EXOC4: variants seen among roughly 807,000 people sequenced by gnomAD.
EXOC4 encodes SEC8-like 1.
Under a neutral mutation model 107.2 loss-of-function variants are expected in EXOC4, and 71 were observed. The observed-to-expected ratio is 0.66, with a 90% CI of 0.55 to 0.81. The LOEUF (loss-of-function observed/expected upper bound fraction) is 0.81. Among genes scored for constraint, EXOC4 ranks in the 30% least tolerant of loss-of-function variants. The pLI is 0.00. For synonymous variants in EXOC4, 456 were observed against 441.2 expected (o/e 1.03, Z -0.42); for missense variants, 1,108 against 1,189.6 (o/e 0.93, Z 1.01).
chr7:133,742,717 C>T lies in EXOC4; in HGVS notation c.1515-74608C>T, dbSNP rs550578782. On this transcript the variant is annotated intron_variant, in intron 10 of 17. Transcript: ENST00000253861. ...ATTGCTTAGTTTTTGGTTTGTTTTT[C>T]CCCCCAAGTTGAGACTTTGAATACA... Among the ~76,000 whole-genome samples, 38 of 152,158 alleles carry T rather than the reference C, an allele frequency of 2.5e-4. No homozygotes were observed. In the South Asian group the frequency reaches 7.7e-3, roughly 31 times the overall value.
At chr7:133,943,915 A>G (rs28566817) in intron 14 of EXOC4, among the ~76,000 whole-genome samples, 47,276 of 151,972 alleles carry the variant, frequency 0.31, 7,813 homozygotes, top group Non-Finnish European at 0.36. Flanking sequence ...CTGCAATTTT[A>G]TAACACACCC....
downstream of EXOC4, among the ~76,000 whole-genome samples, chr7:134,067,653 A>ACG (rs1796206017): frequency 1.0e-4 from 2 of 19,376 alleles, no homozygotes; most frequent in Non-Finnish European, 1.7e-4. Context: ...ACACACACAC[A>ACG]CACACACACA....
intron 13 of EXOC4, among the ~76,000 whole-genome samples, chr7:133,934,066 A>G (rs188784350): frequency 6.6e-6 from 1 of 152,340 alleles, no homozygotes; most frequent in East Asian, 1.9e-4. Flanking sequence ...ACTGCATATC[A>G]TAATGAAAAA....
intron 10 of EXOC4, among the ~76,000 whole-genome samples, chr7:133,727,136 G>A (rs1443674961): frequency 6.6e-6 from 1 of 152,048 alleles, no homozygotes; most frequent in East Asian, 1.9e-4. Flanking sequence ...ATCTGTTTTT[G>A]TTATTGATCT....
chr7:133,805,595 C>T (rs1385036244), intron 10 of EXOC4, among the ~76,000 whole-genome samples: 2 of 152,086 alleles, frequency 1.3e-5, no homozygotes, highest in Non-Finnish European at 2.9e-5. Flanking sequence ...GGGCATTCAC[C>T]ATACACGTAA....
At chr7:133,335,611 AT>A (rs1412335600) in intron 5 of EXOC4, among the ~76,000 whole-genome samples, 1 of 152,166 alleles carries the variant, frequency 6.6e-6, no homozygotes, top group African/African-American at 2.4e-5. Context: ...GTCAATGGAC[AT>A]TTGGCTATTG....
intron 10 of EXOC4, among the ~76,000 whole-genome samples, chr7:133,695,307 TC>T (rs1794510231): frequency 6.6e-6 from 1 of 152,214 alleles, no homozygotes; most frequent in African/African-American, 2.4e-5. Flanking sequence ...AGCTTCCCAT[TC>T]TTTTTAATGG....
chr7:133,782,895 A>G (rs1371273143), intron 10 of EXOC4, among the ~76,000 whole-genome samples: 2 of 152,160 alleles, frequency 1.3e-5, no homozygotes, highest in African/African-American at 4.8e-5. Flanking sequence ...TGGATTCTGT[A>G]TGGTCACTCG....
At chr7:133,260,164 C>A (rs567629353) in intron 1 of EXOC4, among the ~76,000 whole-genome samples, 5 of 152,110 alleles carry the variant, frequency 3.3e-5, no homozygotes, top group South Asian at 2.1e-4. Flanking sequence ...GGGTTTATTT[C>A]TTGACTTTCT....
At chr7:133,748,732 G>A (rs140368618) in intron 10 of EXOC4, among the ~76,000 whole-genome samples, 142 of 152,260 alleles carry the variant, frequency 9.3e-4, no homozygotes, top group Admixed American at 1.3e-3. Flanking sequence ...TGCAGCATTT[G>A]CGAGAGATTC....
intron 10 of EXOC4, among the ~76,000 whole-genome samples, chr7:133,644,150 A>C (rs551583169): frequency 6.6e-6 from 1 of 152,164 alleles, no homozygotes; most frequent in Non-Finnish European, 1.5e-5. Flanking sequence ...TTTGACCTAG[A>C]AGTTTTCTGC....
At chr7:133,778,577 CTG>C (rs1796395479) in intron 10 of EXOC4, among the ~76,000 whole-genome samples, 1 of 152,182 alleles carries the variant, frequency 6.6e-6, no homozygotes, top group Admixed American at 6.5e-5. Context: ...GAGTGAGACT[CTG>C]TCTCAAAAAA....
intron 14 of EXOC4, among the ~76,000 whole-genome samples, chr7:133,967,473 A>G (rs1397591712): frequency 6.6e-6 from 1 of 152,218 alleles, no homozygotes; most frequent in African/African-American, 2.4e-5. Context: ...GTAGTGCTAC[A>G]AATTTCCCTC....
chr7:134,059,176 A>G (rs921214518), intron 17 of EXOC4, among the ~76,000 whole-genome samples: 6 of 152,292 alleles, frequency 3.9e-5, no homozygotes, highest in Middle Eastern at 3.4e-3. Flanking sequence ...CAAGTACAGG[A>G]ACAAGAGTTG....
intron 1 of EXOC4, among the ~76,000 whole-genome samples, chr7:133,270,412 T>C (rs1793839971): frequency 6.6e-6 from 1 of 152,142 alleles, no homozygotes; most frequent in Non-Finnish European, 1.5e-5. Flanking sequence ...GTGTTACCTG[T>C]TTTTGAGGGG....
At chr7:133,983,941 G>A (rs951434807) in intron 14 of EXOC4, among the ~76,000 whole-genome samples, 1 of 152,088 alleles carries the variant, frequency 6.6e-6, no homozygotes, top group Non-Finnish European at 1.5e-5. Context: ...CACACCATAT[G>A]CTTTTTTAGC....
At position 133,840,209 on chromosome 7, in the gene EXOC4, G is replaced by A. The variant is rs564226016; in HGVS notation, c.1734+22665G>A. Reference sequence around the variant, plus strand: ...ACCTATAATCGAATCTGATACAGCAGTGAGAGTGAATGGATGTACTGCATG... The same window carrying A: ...ACCTATAATCGAATCTGATACAGCAATGAGAGTGAATGGATGTACTGCATG... On this transcript the variant is annotated intron_variant, in intron 11 of 17. Coordinates refer to ENST00000253861, the MANE Select transcript of EXOC4 (RefSeq NM_021807.4). Among the ~76,000 whole-genome samples, 23 of 152,332 alleles carry A rather than the reference G, an allele frequency of 1.5e-4. No individual in the cohort carries two copies. In the South Asian group the frequency reaches 4.6e-3, roughly 30 times the overall value.
At chr7:133,407,293 A>G (rs2150740308) in intron 7 of EXOC4, among the ~76,000 whole-genome samples, 1 of 152,198 alleles carries the variant, frequency 6.6e-6, no homozygotes, top group African/African-American at 2.4e-5. Context: ...TCCATCCACC[A>G]TCCTCTTACT....
At chr7:133,491,745 G>T (rs1799376170) in intron 9 of EXOC4, among the ~76,000 whole-genome samples, 1 of 152,142 alleles carries the variant, frequency 6.6e-6, no homozygotes, top group South Asian at 2.1e-4. Flanking sequence ...GTACTTTGGG[G>T]AGTACAGAAG....
Sources: allele counts gnomAD v4.1 joint callset (sites outside exome capture counted in the v4.1 genomes callset), GRCh38; gene constraint gnomAD v4.1.1; transcripts MANE v1.5; gene names NCBI Gene and HGNC (gene_info 2026-07-23, HGNC 2026-07-21).